The following TIMMDC1 variants were observed in gnomAD, a reference collection of about 807,000 sequenced individuals.
TIMMDC1 encodes the protein translocase of inner mitochondrial membrane domain containing 1, also known as complex I assembly factor TIMMDC1, mitochondrial.
A neutral mutation model predicts 32.6 loss-of-function variants in TIMMDC1; 25 were observed. The ratio of observed to expected loss-of-function variants is 0.77; its 90% CI spans 0.56 to 1.07. TIMMDC1 has a LOEUF of 1.07. Ranked by LOEUF, TIMMDC1 falls within the 50% of genes least tolerant of loss-of-function variation. TIMMDC1 has a pLI of 0.00. For synonymous variants in TIMMDC1, 130 were observed against 127.6 expected (o/e 1.02, Z -0.13); for missense variants, 329 against 349.2 (o/e 0.94, Z 0.46).
At chr3:119,499,447 G>A (rs1214770740) in intron 1 of TIMMDC1, among the ~76,000 whole-genome samples, 3 of 104,452 alleles carry the variant, frequency 2.9e-5, no homozygotes, top group African/African-American at 1.1e-4. Context: ...AGACTGAGTC[G>A]CGCTCTATCG....
chr3:119,514,737 G>A (rs2081974309), intron 5 of TIMMDC1, among the ~76,000 whole-genome samples: 1 of 152,188 alleles, frequency 6.6e-6, no homozygotes, highest in Non-Finnish European at 1.5e-5. Flanking sequence ...TATTGCATGT[G>A]AAACAACACC....
intron 4 of TIMMDC1, among the ~76,000 whole-genome samples, chr3:119,504,276 A>C (rs1427326063): frequency 2.0e-5 from 3 of 152,236 alleles, no homozygotes. Context: ...TGTGATAGAA[A>C]GTAACAATTC....
intron 6 of TIMMDC1, among the ~76,000 whole-genome samples, chr3:119,520,446 A>T (rs1343592962): frequency 1.3e-5 from 2 of 152,308 alleles, no homozygotes; most frequent in East Asian, 3.9e-4. Context: ...ATTAGAGATT[A>T]TTATGAAACA....
intron 5 of TIMMDC1, 75 bp downstream of exon 5, chr3:119,513,794 A>C: frequency 1.0e-6 from 1 of 952,718 alleles, no homozygotes; most frequent in Non-Finnish European, 1.6e-6. Context: ...AGTCTCATTT[A>C]TTTTCAAAGA....
intron 6 of TIMMDC1, among the ~76,000 whole-genome samples, chr3:119,519,537 C>G (rs191019850): frequency 2.6e-4 from 40 of 152,152 alleles, no homozygotes; most frequent in South Asian, 2.3e-3. Flanking sequence ...GTAAAGAGAT[C>G]AATTCAGCAA....
chr3:119,502,789 C>A (rs572307427), intron 2 of TIMMDC1, among the ~76,000 whole-genome samples: 3 of 151,956 alleles, frequency 2.0e-5, no homozygotes, highest in Non-Finnish European at 4.4e-5. Flanking sequence ...TTAAACTTGT[C>A]GGCTCAAGTG....
intron 6 of TIMMDC1, among the ~76,000 whole-genome samples, chr3:119,518,569 T>G (rs935739113): frequency 2.0e-5 from 3 of 147,622 alleles, no homozygotes; most frequent in African/African-American, 5.2e-5. Context: ...AAAAAAAAAA[T>G]TAAAAAAGTA....
intron 2 of TIMMDC1, among the ~76,000 whole-genome samples, 155 bp from the exon 3 acceptor site, chr3:119,503,377 A>G (rs376566582): frequency 1.3e-5 from 2 of 152,230 alleles, no homozygotes; most frequent in Admixed American, 1.3e-4. Flanking sequence ...CGTAAGCCTC[A>G]ATACTTAAAG....
chr3:119,517,070 TTTAA>T (rs2081988790), intron 5 of TIMMDC1, 131 bp from the exon 6 acceptor site: 1 of 512,566 alleles, frequency 2.0e-6, no homozygotes, highest in Non-Finnish European at 3.5e-6. Flanking sequence ...ACAAGGACAC[TTTAA>T]TTCTCAAATG....
At chr3:119,499,584 A>G (rs932102292) in intron 1 of TIMMDC1, among the ~76,000 whole-genome samples, 1 of 150,894 alleles carries the variant, frequency 6.6e-6, no homozygotes, top group Non-Finnish European at 1.5e-5. Context: ...TGCCCAGCTA[A>G]TTTTTGTATT....
At chr3:119,499,250 C>A (rs2081849871) in intron 1 of TIMMDC1, among the ~76,000 whole-genome samples, 1 of 150,594 alleles carries the variant, frequency 6.6e-6, no homozygotes, top group Non-Finnish European at 1.5e-5. Flanking sequence ...CGCACCACCA[C>A]GCCCGGCTAA....
chr3:119,509,845 C>T (rs2081942127), intron 4 of TIMMDC1, among the ~76,000 whole-genome samples: 1 of 151,944 alleles, frequency 6.6e-6, no homozygotes, highest in Admixed American at 6.6e-5. Flanking sequence ...GCCACCATAC[C>T]CGGCTAATTT....
At chr3:119,517,172 T>C in intron 5 of TIMMDC1, 33 bp from the exon 6 acceptor site, 1 of 1,468,376 alleles carries the variant, frequency 6.8e-7, no homozygotes, top group Non-Finnish European at 9.5e-7. Context: ...AATGACTCGT[T>C]TTTCCTAAGC....
intron 4 of TIMMDC1, among the ~76,000 whole-genome samples, chr3:119,507,468 T>C (rs2081925316): frequency 6.6e-6 from 1 of 152,224 alleles, no homozygotes; most frequent in African/African-American, 2.4e-5. Flanking sequence ...GTTTTTAAAT[T>C]TGTTTTATCG....
chr3:119,498,980 T>TGCAGCGTGG (rs1240932966), intron 1 of TIMMDC1, 53 bp downstream of exon 1: 4 of 1,567,694 alleles, frequency 2.6e-6, no homozygotes, highest in Non-Finnish European at 2.6e-6. Flanking sequence ...AGCGGTGTCC[T>TGCAGCGTGG]GCAGCGTGGG....
intron 1 of TIMMDC1, among the ~76,000 whole-genome samples, chr3:119,499,410 TTTTC>T (rs1359419679): frequency 1.5e-4 from 21 of 137,282 alleles, no homozygotes; most frequent in African/African-American, 5.2e-4. Flanking sequence ...AAACTCGTAT[TTTTC>T]TTTCTTTTTT....
intron 4 of TIMMDC1, among the ~76,000 whole-genome samples, chr3:119,509,267 C>T (rs1303429548): frequency 6.6e-6 from 1 of 151,928 alleles, no homozygotes; most frequent in Non-Finnish European, 1.5e-5. Flanking sequence ...TAGAATCTGC[C>T]CAAGATAAAT....
chr3:119,503,738 C>CTTTT, intron 3 of TIMMDC1, 118 bp downstream of exon 3: 3 of 671,912 alleles, frequency 4.5e-6, no homozygotes, highest in Non-Finnish European at 6.9e-6. Flanking sequence ...TTAATAATGC[C>CTTTT]TTTTTTTTTT....
intron 2 of TIMMDC1, among the ~76,000 whole-genome samples, chr3:119,502,028 A>G (rs1410482108): frequency 6.6e-6 from 1 of 152,144 alleles, no homozygotes; most frequent in Non-Finnish European, 1.5e-5. Flanking sequence ...CCAACTATAC[A>G]CTGTAAAATT....
Sources: gnomAD v4.1 joint callset for allele counts (sites outside exome capture counted in the v4.1 genomes callset) on GRCh38, gnomAD v4.1.1 for gene constraint, MANE v1.5 for transcripts, NCBI Gene and HGNC (gene_info 2026-07-23, HGNC 2026-07-21) for gene names.